KCNT2: variants seen among roughly 807,000 people sequenced by gnomAD.
The protein encoded by KCNT2 is potassium channel subfamily T member 2.
In KCNT2, 67 loss-of-function variants were observed where a neutral mutation model predicts 153.8. That is an observed-to-expected ratio of 0.44 (90% CI 0.36 to 0.53). The LOEUF is 0.53. Ranked by LOEUF, KCNT2 falls within the 20% of genes least tolerant of loss-of-function variation. KCNT2 has a pLI of 0.00. For missense variants in KCNT2, 975 were observed against 1,354.8 expected, an observed-to-expected ratio of 0.72 and a Z score of 4.40; for synonymous variants, 500 against 458.8, an observed-to-expected ratio of 1.09 and a Z score of -1.15.
intron 14 of KCNT2, among the ~76,000 whole-genome samples, chr1:196,354,160 G>A (rs185184832): frequency 1.3e-5 from 2 of 151,458 alleles, no homozygotes; most frequent in African/African-American, 4.8e-5. Flanking sequence ...CATCACACTA[G>A]AGGTAAACTA....
At chr1:196,428,345 T>C in intron 9 of KCNT2, 76 bp from the exon 10 acceptor site, 1 of 1,025,100 alleles carries the variant, frequency 9.8e-7, no homozygotes, top group Non-Finnish European at 1.5e-6. Flanking sequence ...ATCTATTGTT[T>C]ATTAGGTATT....
At chr1:196,486,665 G>C (rs925847880) in intron 3 of KCNT2, among the ~76,000 whole-genome samples, 2 of 151,556 alleles carry the variant, frequency 1.3e-5, no homozygotes. Context: ...CATATGAAAG[G>C]ATATGTTGCT....
intron 25 of KCNT2, among the ~76,000 whole-genome samples, chr1:196,270,412 A>G (rs1301438420): frequency 6.6e-6 from 1 of 152,114 alleles, no homozygotes; most frequent in African/African-American, 2.4e-5. Flanking sequence ...TGCTTTCTAC[A>G]CACAAAAAAT....
In KCNT2 at chr1:196,425,899, GAT is replaced by G; in HGVS notation, c.1072_1073del (p.Ile358LeufsTer8). 2 of 1,612,538 alleles carry G rather than the reference GAT, an allele frequency of 1.2e-6. No individual in the cohort carries two copies. The highest frequency in any genetic ancestry group is 1.7e-6 in the Non-Finnish European group (2 of 1,178,966). ...CTTTAAGGGCTGAACCTTGAAGGTA[GAT>G]AACTCGTTGGGACCACATTGGAATC... ...LQIPMWSQRV[I>X]YLQGSALKDQ... On this transcript the variant is annotated frameshift_variant, in exon 11 of 28. Coordinates refer to ENST00000294725, the MANE Select transcript of KCNT2 (RefSeq NM_198503.5). LOFTEE classifies it high-confidence loss of function.
chr1:196,593,386 A>G (rs1002598948), intron 1 of KCNT2, among the ~76,000 whole-genome samples: 7 of 148,708 alleles, frequency 4.7e-5, no homozygotes, highest in Non-Finnish European at 8.9e-5. Context: ...TTCTTTATCC[A>G]CTCATTGATT....
intron 21 of KCNT2, among the ~76,000 whole-genome samples, chr1:196,309,946 T>C (rs750483525): frequency 9.2e-5 from 14 of 151,920 alleles, no homozygotes; most frequent in Non-Finnish European, 1.8e-4. Flanking sequence ...CTCAGTGATG[T>C]AAATATAATT....
intron 1 of KCNT2, among the ~76,000 whole-genome samples, chr1:196,553,519 G>A (rs577436672): frequency 1.3e-5 from 2 of 150,212 alleles, no homozygotes; most frequent in African/African-American, 4.9e-5. Flanking sequence ...CTAAAGGGAG[G>A]GACAGACCTC....
At chr1:196,423,320 A>T (rs1216065427) in intron 11 of KCNT2, among the ~76,000 whole-genome samples, 1 of 151,924 alleles carries the variant, frequency 6.6e-6, no homozygotes, top group Non-Finnish European at 1.5e-5. Context: ...TGGGTTGTCT[A>T]TTATAACTTA....
chr1:196,468,973 TA>T lies in KCNT2; in HGVS notation c.459+20del, dbSNP rs1283682226. The T allele has an allele frequency of 2.0e-6, 3 of 1,483,798 alleles. No homozygotes were observed. Among genetic ancestry groups the T allele is most frequent in the Non-Finnish European group, 2.8e-6 (3 of 1,070,334 alleles). 91.9% of individuals were successfully genotyped at this position (1,483,798 alleles called of 1,614,324 possible). ...AAGTCTAATTACAAAAGTGTTTTTT[TA>T]AGGTTCTTTTAGGACTTACTGAGAT... On this transcript the variant is annotated intron_variant, in intron 6 of 27. Transcript: ENST00000294725.
chr1:196,570,067 TA>T (rs199836975), intron 1 of KCNT2, among the ~76,000 whole-genome samples: 18 of 133,722 alleles, frequency 1.3e-4, no homozygotes, highest in African/African-American at 6.2e-4. Context: ...TGAGCTAGAG[TA>T]AAAAAAAAAA....
Position 196,468,998 on chromosome 1 carries a change from A to C in KCNT2, c.455T>G (p.Ile152Ser). 6.3e-7 allele frequency: 1 copy of C among 1,588,164 alleles called. No individual in the cohort carries two copies. The highest frequency in any genetic ancestry group is 1.1e-5 in the South Asian group (1 of 89,478). Reference protein sequence around the residue: ...LEIINAVPFIISIFWPSLRNL... With the variant: ...LEIINAVPFISSIFWPSLRNL... ...TAAGGTTCTTTTAGGACTTACTGAGATAATGAAGGGAACTGCATTAATTAT... is the reference window on the plus strand; with the variant it reads ...TAAGGTTCTTTTAGGACTTACTGAGCTAATGAAGGGAACTGCATTAATTAT... Residue 152 changes from isoleucine (I) to serine (S), a missense_variant, in exon 6 of 28, where the codon ATC (isoleucine) becomes AGC (serine). Ile to Ser is a moderately radical substitution (Grantham distance 142). Around this residue, in one of 6 missense-constraint regions of KCNT2, gnomAD observed 140 missense variants for 216.0 expected, o/e 0.65. Transcript: ENST00000294725.
intron 12 of KCNT2, among the ~76,000 whole-genome samples, chr1:196,411,853 C>T (rs1558258669): frequency 1.3e-5 from 2 of 151,714 alleles, no homozygotes; most frequent in Non-Finnish European, 2.9e-5. Flanking sequence ...TATTACCAAT[C>T]CCTGTATATG....
chr1:196,377,341 G>A (rs2148350085), intron 13 of KCNT2, among the ~76,000 whole-genome samples: 1 of 151,906 alleles, frequency 6.6e-6, no homozygotes, highest in South Asian at 2.1e-4. Flanking sequence ...ATTTTTTTTG[G>A]TGGGGGGGAG....
chr1:196,275,296 G>T (rs1658450490), intron 25 of KCNT2, among the ~76,000 whole-genome samples: 1 of 151,802 alleles, frequency 6.6e-6, no homozygotes, highest in Admixed American at 6.6e-5. Flanking sequence ...AGTGGCAGAA[G>T]TTCTCCTGGC....
intron 1 of KCNT2, among the ~76,000 whole-genome samples, chr1:196,602,628 A>C (rs2149033896): frequency 6.6e-6 from 1 of 152,280 alleles, no homozygotes; most frequent in South Asian, 2.1e-4. Context: ...TATTTATAAG[A>C]ATTGGTTAAA....
At chr1:196,443,363 GAGGAAA>G (rs1212425943) in intron 8 of KCNT2, among the ~76,000 whole-genome samples, 1 of 151,454 alleles carries the variant, frequency 6.6e-6, no homozygotes, top group African/African-American at 2.4e-5. Flanking sequence ...CAAATGTAAA[GAGGAAA>G]AGCTGAGGCC....
At chr1:196,237,280 T>G (rs1654530523) in intron 26 of KCNT2, among the ~76,000 whole-genome samples, 1 of 151,718 alleles carries the variant, frequency 6.6e-6, no homozygotes, top group African/African-American at 2.4e-5. Flanking sequence ...GACACTATTT[T>G]CGGCTATGGT....
intron 14 of KCNT2, among the ~76,000 whole-genome samples, chr1:196,360,527 C>T (rs1667527921): frequency 6.6e-6 from 1 of 152,080 alleles, no homozygotes; most frequent in African/African-American, 2.4e-5. Context: ...CCCTATCCCC[C>T]ACCCAGTATG....
At chr1:196,255,036 A>G (rs1458864599) in intron 26 of KCNT2, among the ~76,000 whole-genome samples, 1 of 151,590 alleles carries the variant, frequency 6.6e-6, no homozygotes, top group Non-Finnish European at 1.5e-5. Context: ...CACATCAGGA[A>G]GATTTACTTG....
Sources: gnomAD v4.1 joint callset for allele counts (sites outside exome capture counted in the v4.1 genomes callset) on GRCh38, gnomAD v4.1.1 for gene constraint, gnomAD v4.1.1 regional missense constraint, MANE v1.5 for transcripts, NCBI Gene and HGNC (gene_info 2026-07-23, HGNC 2026-07-21) for gene names.